Variants in THBS2 observed in about 807,000 individuals in gnomAD.
THBS2 encodes the protein thrombospondin 2.
Under a neutral mutation model 135.2 loss-of-function variants are expected in THBS2, and 47 were observed. The observed-to-expected ratio is 0.35, with a 90% confidence interval of 0.28 to 0.44. The LOEUF is 0.44. THBS2 is among the 20% of genes least tolerant of loss of function. THBS2 has a pLI of 1.00. For synonymous variants in THBS2, 639 were observed against 633.8 expected (o/e 1.01, Z -0.12); for missense variants, 1,288 against 1,603.1 (o/e 0.80, Z 3.36).
intron 7 of THBS2, among the ~76,000 whole-genome samples, chr6:169,238,923 C>T (rs561343546): frequency 7.8e-4 from 119 of 152,120 alleles, no homozygotes; most frequent in Non-Finnish European, 3.1e-4. Context: ...GCCAACGGCA[C>T]GGCACTGGGG....
Position 169,234,819 on chromosome 6 carries a change from G to A in THBS2, c.1566C>T (p.Asn522=). The A allele has an allele frequency of 6.2e-7, 1 of 1,612,902 alleles. No individual in the cohort carries two copies. Among genetic ancestry groups the A allele is most frequent in the Non-Finnish European group, 8.5e-7 (1 of 1,179,620 alleles). The change falls in exon 10 of 22, where the codon AAC becomes AAT. Residue 522 remains asparagine, a synonymous_variant. Coordinates refer to ENST00000617924, the MANE Select transcript of THBS2 (RefSeq NM_003247.5). ...GGIRERTRVC[N]SPEPQYGGKA... ...TCCCTCCGTACTGAGGCTCAGGGCT[G>A]TTGCAGACCCGGGTGCGCTCCCGGA...
chr6:169,221,601 G>A, intron 19 of THBS2, 74 bp from the exon 20 acceptor site: 2 of 1,368,762 alleles, frequency 1.5e-6, no homozygotes, highest in Non-Finnish European at 2.1e-6. Flanking sequence ...ACACCAAGCA[G>A]GAAGCAAAAA....
intron 13 of THBS2, among the ~76,000 whole-genome samples, chr6:169,230,326 C>T (rs887396283): frequency 2.0e-5 from 3 of 152,158 alleles, no homozygotes; most frequent in South Asian, 4.1e-4. Flanking sequence ...TAGAGAGTAG[C>T]GTGTCCGTTT....
At position 169,215,849 on chromosome 6, in the gene THBS2, G is replaced by A. The variant is rs1779153621; in HGVS notation, c.*1973C>T. 1.3e-5 allele frequency: 2 copies of A among 152,434 alleles called. No homozygotes were observed. Among genetic ancestry groups the A allele is most frequent in the Admixed American group, 1.3e-4 (2 of 15,258 alleles). The allele number at this position is 152,434 out of a possible 1,614,324, so 9.4% of individuals were successfully genotyped here. A position where few individuals can be genotyped will look rare whatever the true frequency, so the allele number is the denominator to read the frequency against. On this transcript the variant is annotated 3_prime_UTR_variant, in exon 22 of 22. Transcript: ENST00000617924. ...TCTTTAAAAATGAGGTTCTAGCTAA[G>A]TGCAGGGTTTCAGTGGTGAAATTTT...
intron 14 of THBS2, 142 bp from the exon 15 acceptor site, chr6:169,228,423 C>T (rs945365537): frequency 2.2e-5 from 23 of 1,031,208 alleles, no homozygotes; most frequent in East Asian, 1.3e-4. Context: ...TAGGGCTGGA[C>T]GGTGGCTCAC....
intron 3 of THBS2, among the ~76,000 whole-genome samples, chr6:169,247,790 A>T (rs2115032968): frequency 6.7e-6 from 1 of 149,036 alleles, no homozygotes; most frequent in Non-Finnish European, 1.5e-5. Context: ...GTATGTGCAC[A>T]CGTCTGTGAA....
chr6:169,237,055 G>A (rs1380469071), intron 9 of THBS2, 115 bp downstream of exon 9: 3 of 1,223,346 alleles, frequency 2.5e-6, no homozygotes, highest in Non-Finnish European at 2.2e-6. Flanking sequence ...CTCGGCTGGG[G>A]CTGGGCTGGG....
At chr6:169,235,154 T>G (rs1779990032) in intron 9 of THBS2, among the ~76,000 whole-genome samples, 1 of 152,098 alleles carries the variant, frequency 6.6e-6, no homozygotes, top group Admixed American at 6.5e-5. Context: ...TCTCTTGGCC[T>G]CCAGAAGACA....
At chr6:169,233,091 G>A (rs1472436208) in intron 10 of THBS2, 74 bp from the exon 11 acceptor site, 2 of 1,430,538 alleles carry the variant, frequency 1.4e-6, no homozygotes, top group Non-Finnish European at 1.8e-6. Context: ...CCTGTGGGCC[G>A]TCAAACACTC....
intron 9 of THBS2, among the ~76,000 whole-genome samples, chr6:169,236,257 A>C: frequency 1.1e-5 from 1 of 89,792 alleles, no homozygotes. Context: ...ATCCACATTC[A>C]CTCCCATCTA....
intron 4 of THBS2, among the ~76,000 whole-genome samples, chr6:169,243,291 A>G (rs1780438088): frequency 6.6e-6 from 1 of 152,080 alleles, no homozygotes; most frequent in African/African-American, 2.4e-5. Context: ...TTACAAATTG[A>G]CCTGAGGCGA....
At position 169,223,166 on chromosome 6, in the gene THBS2, G is replaced by C. The variant is rs1779494597; in HGVS notation, c.3001+82C>G. On this transcript the variant is annotated intron_variant, in intron 18 of 21. Transcript: ENST00000617924. ...AGACCACATGGCATCCCACCTGCATGATCTTAAAGTGCAGTCTGCATCTTC... is the reference window on the plus strand; with the variant it reads ...AGACCACATGGCATCCCACCTGCATCATCTTAAAGTGCAGTCTGCATCTTC... 3 of 1,307,986 alleles carry C rather than the reference G, an allele frequency of 2.3e-6. No homozygotes were observed. The African/African-American group carries it at 4.4e-5, about 19-fold the overall frequency. The allele number at this position is 1,307,986 out of a possible 1,614,324, so 81.0% of individuals were successfully genotyped here. A position where few individuals can be genotyped will look rare whatever the true frequency, so the allele number is the denominator to read the frequency against.
At chr6:169,227,205 C>T (rs6931864) in intron 15 of THBS2, among the ~76,000 whole-genome samples, 58,829 of 152,008 alleles carry the variant, frequency 0.39, 11,617 homozygotes, top group Middle Eastern at 0.45. Flanking sequence ...GGAAGAGGAC[C>T]CCACGAGGCG....
At chr6:169,226,896 C>A (rs1779649298) in intron 15 of THBS2, among the ~76,000 whole-genome samples, 1 of 152,162 alleles carries the variant, frequency 6.6e-6, no homozygotes, top group Non-Finnish European at 1.5e-5. Flanking sequence ...AGCTGAGACG[C>A]TCGCCTTGCT....
At chr6:169,240,738 G>T in intron 5 of THBS2, 146 bp from the exon 6 acceptor site, 1 of 1,093,380 alleles carries the variant, frequency 9.1e-7, no homozygotes, top group Non-Finnish European at 1.3e-6. Context: ...GGAAGTTCCG[G>T]AAGTTGTCCT....
chr6:169,242,559 CTCCTAACTTCCCACCTTCCCCCAAAT>C lies in THBS2; in HGVS notation c.695-627_695-602del, dbSNP rs753105389. Reference sequence around the variant, plus strand: ...TCCTGGCCTTCCCACCTTCCCACTGCTCCTAACTTCCCACCTTCCCCCAAATTCCCACCTTCCCACATTCCCACCTT... The same window carrying C: ...TCCTGGCCTTCCCACCTTCCCACTGCTCCCACCTTCCCACATTCCCACCTT... On this transcript the variant is annotated intron_variant, in intron 4 of 21. Transcript: ENST00000617924. Among the ~76,000 whole-genome samples the C allele has an allele frequency of 9.0e-3, 1,330 of 147,074 alleles. 19 individuals carry two copies. Among genetic ancestry groups the C allele is most frequent in the East Asian group, 0.047 (222 of 4,682 alleles).
chr6:169,226,011 C>A (rs561800596), intron 16 of THBS2, among the ~76,000 whole-genome samples, 169 bp downstream of exon 16: 2 of 152,346 alleles, frequency 1.3e-5, no homozygotes, highest in East Asian at 3.9e-4. Flanking sequence ...ACTCCCAAGG[C>A]CCCATGGAGG....
chr6:169,219,992 C>T (rs1208883478), intron 21 of THBS2, among the ~76,000 whole-genome samples: 2 of 152,142 alleles, frequency 1.3e-5, no homozygotes, highest in Non-Finnish European at 2.9e-5. Context: ...CTACCAGAGG[C>T]ATCCAAATGC....
intron 13 of THBS2, 87 bp downstream of exon 13, chr6:169,231,893 C>G: frequency 1.4e-6 from 2 of 1,466,136 alleles, no homozygotes; most frequent in Non-Finnish European, 1.8e-6. Context: ...CTGTGCTGCC[C>G]CCGCCCCCCG....
Sources: gnomAD v4.1 joint callset for allele counts (sites outside exome capture counted in the v4.1 genomes callset) on GRCh38, gnomAD v4.1.1 for gene constraint, MANE v1.5 for transcripts, NCBI Gene and HGNC (gene_info 2026-07-23, HGNC 2026-07-21) for gene names.